The following ZFHX3 variants were observed in gnomAD, a reference collection of about 807,000 sequenced individuals.
ZFHX3 encodes the protein zinc finger homeobox 3.
ZFHX3 carries 42 observed loss-of-function variants against 279.1 expected under a neutral mutation model. The observed-to-expected ratio is 0.15, with a 90% CI of 0.12 to 0.19. ZFHX3 has a LOEUF of 0.19. ZFHX3 is among the 10% of genes least tolerant of loss of function. The pLI, the probability that ZFHX3 is intolerant of heterozygous loss-of-function variation, is 1.00. For synonymous variants in ZFHX3, 2,293 were observed against 1,957.8 expected (o/e 1.17, Z -4.52); for missense variants, 4,981 against 4,754.0 (o/e 1.05, Z -1.40).
Position 73,730,352 on chromosome 16 carries a change from C to CA in ZFHX3, c.-1607-50113dup, listed in dbSNP as rs66477968. ...ACCCTTGAATAACACCCTCCCCTCGCAAAAAAAAAAAAAAAAAAAAAAAGA... is the reference window on the plus strand; with the variant it reads ...ACCCTTGAATAACACCCTCCCCTCGCAAAAAAAAAAAAAAAAAAAAAAAAGA... On this transcript the variant is annotated intron_variant, in intron 1 of 17. Coordinates refer to the ZFHX3 transcript ENST00000641206. Among the ~76,000 whole-genome samples the CA allele has an allele frequency of 6.6e-3, 537 of 81,094 alleles. 7 individuals carry two copies. The highest frequency in any genetic ancestry group is 0.019 in the African/African-American group (374 of 19,452). The allele number at this position is 81,094 out of a possible 152,430, so 53.2% of individuals were successfully genotyped here. A position where few individuals can be genotyped will look rare whatever the true frequency, so the allele number is the denominator to read the frequency against.
intron 5 of ZFHX3, among the ~76,000 whole-genome samples, chr16:73,229,002 G>A (rs149885794): frequency 5.3e-5 from 8 of 152,092 alleles, no homozygotes; most frequent in East Asian, 1.9e-4. Flanking sequence ...CAATATACTC[G>A]GTATATACTC....
At chr16:73,319,114 G>C (rs116568450) in intron 3 of ZFHX3, among the ~76,000 whole-genome samples, 196 of 151,918 alleles carry the variant, frequency 1.3e-3, no homozygotes, top group African/African-American at 4.2e-3. Flanking sequence ...GTGTGGAATG[G>C]GGGGGGCAGA....
At chr16:73,061,981 G>A (rs190618637), upstream of ZFHX3, 31 of 152,128 alleles carry the variant, frequency 2.0e-4, 1 homozygote, top group East Asian at 6.0e-3. Flanking sequence ...TAATTTTACT[G>A]AGTGAATTCG....
At chr16:73,723,882 A>G (rs1192812781) in intron 1 of ZFHX3, among the ~76,000 whole-genome samples, 1 of 152,202 alleles carries the variant, frequency 6.6e-6, no homozygotes, top group Non-Finnish European at 1.5e-5. Context: ...GAAACCCAGG[A>G]CACCCTGATT....
chr16:73,204,255 C>CTAT (rs1024574702), intron 5 of ZFHX3, among the ~76,000 whole-genome samples: 1 of 150,480 alleles, frequency 6.6e-6, no homozygotes, highest in Non-Finnish European at 1.5e-5. Flanking sequence ...CACTTTATTT[C>CTAT]TATTATTATT....
intron 5 of ZFHX3, chr16:73,232,144 A>C (rs1853449847): frequency 1.3e-5 from 2 of 152,114 alleles, no homozygotes. Flanking sequence ...GTTCGCACGC[A>C]TTCCGGTACC....
intron 5 of ZFHX3, among the ~76,000 whole-genome samples, chr16:73,168,392 G>A (rs1238200753): frequency 6.6e-6 from 1 of 152,064 alleles, no homozygotes; most frequent in East Asian, 1.9e-4. Context: ...ATCCAGAGTA[G>A]CTAGGACTAC....
Position 73,003,051 on chromosome 16 carries a change from C to G in ZFHX3, c.-49-42857G>C, listed in dbSNP as rs534140274. Among the ~76,000 whole-genome samples, 9 of 152,304 alleles carry G rather than the reference C, an allele frequency of 5.9e-5. No individual in the cohort carries two copies. The South Asian group carries it at 1.9e-3, about 32-fold the overall frequency. Reference sequence around the variant, plus strand: ...AGTTCCTTTCATTCCATTTACATCACTGTTTTCCCACATTTATAACCAGGA... The same window carrying G: ...AGTTCCTTTCATTCCATTTACATCAGTGTTTTCCCACATTTATAACCAGGA... On this transcript the variant is annotated intron_variant, in intron 1 of 9. Transcript: ENST00000268489.
At chr16:73,564,515 C>T (rs919176141) in intron 2 of ZFHX3, among the ~76,000 whole-genome samples, 3 of 152,138 alleles carry the variant, frequency 2.0e-5, no homozygotes, top group South Asian at 2.1e-4. Context: ...CAGTTATTGC[C>T]ACCATTATCT....
intron 1 of ZFHX3, among the ~76,000 whole-genome samples, chr16:73,748,893 T>C (rs1165633590): frequency 2.0e-5 from 3 of 152,148 alleles, no homozygotes; most frequent in African/African-American, 7.2e-5. Context: ...GTTCAAGTGA[T>C]TCTCCTGCCT....
At chr16:73,465,757 T>C (rs1435886766) in intron 2 of ZFHX3, among the ~76,000 whole-genome samples, 2 of 152,188 alleles carry the variant, frequency 1.3e-5, no homozygotes, top group Admixed American at 6.5e-5. Context: ...AGTTCTTCTC[T>C]CCTTTCTTGG....
At chr16:73,040,391 T>C (rs1055465199) in intron 1 of ZFHX3, among the ~76,000 whole-genome samples, 3 of 152,150 alleles carry the variant, frequency 2.0e-5, no homozygotes, top group Non-Finnish European at 4.4e-5. Context: ...TGCAAGTTGA[T>C]AGTATTTGCA....
chr16:73,278,018 C>T (rs908688344), intron 4 of ZFHX3, among the ~76,000 whole-genome samples: 1 of 152,132 alleles, frequency 6.6e-6, no homozygotes, highest in African/African-American at 2.4e-5. Context: ...AGTCACCTCC[C>T]ACCAGGCCCC....
intron 7 of ZFHX3, among the ~76,000 whole-genome samples, chr16:73,119,427 G>A (rs1158060290): frequency 6.6e-6 from 1 of 152,138 alleles, no homozygotes; most frequent in Non-Finnish European, 1.5e-5. Flanking sequence ...TTCTACCATG[G>A]GGCTCCGCAC....
intron 3 of ZFHX3, among the ~76,000 whole-genome samples, chr16:72,948,086 G>C (rs1960792239): frequency 6.6e-6 from 1 of 152,184 alleles, no homozygotes; most frequent in Non-Finnish European, 1.5e-5. Context: ...GCACTGGAAT[G>C]ACAATCCCAG....
At chr16:73,574,063 T>C (rs1421651336) in intron 2 of ZFHX3, among the ~76,000 whole-genome samples, 1 of 152,170 alleles carries the variant, frequency 6.6e-6, no homozygotes, top group African/African-American at 2.4e-5. Context: ...GGAAGAATAA[T>C]GTAGAAGGGT....
intron 3 of ZFHX3, among the ~76,000 whole-genome samples, chr16:73,379,176 T>C (rs1045474207): frequency 1.3e-5 from 2 of 152,216 alleles, no homozygotes; most frequent in African/African-American, 2.4e-5. Context: ...TTCAGATGTT[T>C]AACGATAATA....
At chr16:72,947,836 G>A (rs1199664510) in intron 3 of ZFHX3, among the ~76,000 whole-genome samples, 1 of 152,164 alleles carries the variant, frequency 6.6e-6, no homozygotes, top group Non-Finnish European at 1.5e-5. Context: ...AGTTAACTGT[G>A]CTCTAAACTG....
At chr16:73,495,379 GGA>G (rs2019125437) in intron 2 of ZFHX3, among the ~76,000 whole-genome samples, 1 of 152,194 alleles carries the variant, frequency 6.6e-6, no homozygotes, top group Non-Finnish European at 1.5e-5. Context: ...AAGCCATCTA[GGA>G]GTTGGATGCA....
Sources: gnomAD v4.1 joint callset for allele counts (sites outside exome capture counted in the v4.1 genomes callset) on GRCh38, gnomAD v4.1.1 for gene constraint, MANE v1.5 for transcripts, NCBI Gene and HGNC (gene_info 2026-07-23, HGNC 2026-07-21) for gene names.